RIMS2: variants seen among roughly 807,000 people sequenced by gnomAD.
The protein encoded by RIMS2 is regulating synaptic membrane exocytosis 2, also known as regulating synaptic membrane exocytosis protein 2.
Under a neutral mutation model 174.4 loss-of-function variants are expected in RIMS2, and 59 were observed. The ratio of observed to expected loss-of-function variants is 0.34; its 90% CI spans 0.27 to 0.42. The LOEUF is 0.42. Ranked by LOEUF, RIMS2 falls within the 10% of genes least tolerant of loss-of-function variation. The pLI, the probability that RIMS2 is intolerant of heterozygous loss-of-function variation, is 1.00. For synonymous variants in RIMS2, 606 were observed against 572.5 expected (o/e 1.06, Z -0.84); for missense variants, 1,620 against 1,666.3 (o/e 0.97, Z 0.48).
At chr8:104,023,553 T>G (rs1011117706) in intron 19 of RIMS2, among the ~76,000 whole-genome samples, 2 of 152,158 alleles carry the variant, frequency 1.3e-5, no homozygotes, top group African/African-American at 4.8e-5. Context: ...AGAAAAATAA[T>G]GGAGTTTCTA....
intron 14 of RIMS2, among the ~76,000 whole-genome samples, chr8:103,959,428 A>ATT (rs1230384970): frequency 3.4e-5 from 5 of 147,088 alleles, no homozygotes; most frequent in Admixed American, 1.4e-4. Context: ...TAAAAAAGTA[A>ATT]TTTTTTTTTT....
intron 19 of RIMS2, among the ~76,000 whole-genome samples, chr8:104,028,947 G>A (rs1300101244): frequency 6.6e-6 from 1 of 152,150 alleles, no homozygotes; most frequent in Non-Finnish European, 1.5e-5. Flanking sequence ...GCCTGCTGCT[G>A]GTTGCCTATT....
intron 3 of RIMS2, among the ~76,000 whole-genome samples, chr8:103,834,681 T>TTTCTTTCC (rs1408603395): frequency 1.6e-4 from 7 of 42,928 alleles, no homozygotes; most frequent in African/African-American, 6.7e-4. Flanking sequence ...GGTCTTTTTC[T>TTTCTTTCC]TTCTTTCTTT....
intron 19 of RIMS2, among the ~76,000 whole-genome samples, chr8:104,059,737 A>C (rs1394747408): frequency 6.6e-6 from 1 of 151,512 alleles, no homozygotes; most frequent in East Asian, 1.9e-4. Flanking sequence ...ATTTTGAGAT[A>C]CGTCCCATCA....
chr8:103,811,401 A>G (rs75549866), intron 3 of RIMS2, among the ~76,000 whole-genome samples: 1,662 of 152,210 alleles, frequency 0.011, 43 homozygotes, highest in African/African-American at 0.038. Flanking sequence ...ATTCAACAAG[A>G]AATATATTTC....
chr8:103,637,868 C>T (rs990230497), intron 1 of RIMS2, among the ~76,000 whole-genome samples: 4 of 152,130 alleles, frequency 2.6e-5, no homozygotes, highest in South Asian at 2.1e-4. Flanking sequence ...GACAGTTTCT[C>T]ACTCTTTCCT....
intron 1 of RIMS2, among the ~76,000 whole-genome samples, chr8:103,594,988 TC>T: frequency 6.6e-6 from 1 of 151,860 alleles, no homozygotes; most frequent in Admixed American, 6.6e-5. Context: ...TGCATTTTTT[TC>T]ATTTCTTTTT....
chr8:104,104,425 G>A (rs752170771), intron 19 of RIMS2, among the ~76,000 whole-genome samples: 4 of 152,118 alleles, frequency 2.6e-5, no homozygotes, highest in Non-Finnish European at 4.4e-5. Flanking sequence ...TTTGATGGAT[G>A]GGGTTGTTGG....
chr8:104,223,342 A>G, intron 19 of RIMS2: 1 of 1,109,580 alleles, frequency 9.0e-7, no homozygotes, highest in Non-Finnish European at 1.1e-6. Flanking sequence ...AGACTCCAGC[A>G]GCTCCAGCCT....
intron 16 of RIMS2, among the ~76,000 whole-genome samples, chr8:103,981,778 A>G (rs1376928116): frequency 6.6e-6 from 1 of 152,078 alleles, no homozygotes; most frequent in Non-Finnish European, 1.5e-5. Context: ...TCAGAGCAGA[A>G]TAGATCAAGC....
At chr8:103,790,194 ACTAT>A (rs2098483931) in intron 3 of RIMS2, among the ~76,000 whole-genome samples, 1 of 152,212 alleles carries the variant, frequency 6.6e-6, no homozygotes, top group African/African-American at 2.4e-5. Context: ...AACTATTACG[ACTAT>A]CTAATTCCAG....
At chr8:103,822,655 T>A (rs2098759388) in intron 3 of RIMS2, among the ~76,000 whole-genome samples, 1 of 151,892 alleles carries the variant, frequency 6.6e-6, no homozygotes, top group Admixed American at 6.6e-5. Flanking sequence ...GGATTCTCTG[T>A]TCTTTTACAG....
intron 1 of RIMS2, among the ~76,000 whole-genome samples, chr8:103,522,417 T>C (rs1309449004): frequency 6.6e-6 from 1 of 152,124 alleles, no homozygotes; most frequent in East Asian, 1.9e-4. Flanking sequence ...GAAAAAATTA[T>C]TGGTCATGTT....
intron 19 of RIMS2, among the ~76,000 whole-genome samples, chr8:104,180,224 T>C (rs2098931999): frequency 1.3e-5 from 2 of 151,742 alleles, no homozygotes; most frequent in African/African-American, 4.8e-5. Flanking sequence ...TAAAAGGGCA[T>C]GCCCATTTTT....
At chr8:103,623,651 ATT>A (rs35923184) in intron 1 of RIMS2, among the ~76,000 whole-genome samples, 1 of 142,116 alleles carries the variant, frequency 7.0e-6, no homozygotes, top group African/African-American at 2.6e-5. Context: ...CGCCCGGCTA[ATT>A]TTTTTTTTTG....
At chr8:104,049,464 A>T (rs1381124940) in intron 19 of RIMS2, among the ~76,000 whole-genome samples, 1 of 152,066 alleles carries the variant, frequency 6.6e-6, no homozygotes, top group Non-Finnish European at 1.5e-5. Context: ...ACCCGAAGCC[A>T]TGCTTTTGTT....
intron 2 of RIMS2, among the ~76,000 whole-genome samples, chr8:103,715,426 A>G (rs2097356311): frequency 6.6e-6 from 1 of 152,060 alleles, no homozygotes; most frequent in South Asian, 2.1e-4. Flanking sequence ...GTGGGATTTT[A>G]ATATAGGACT....
At chr8:104,072,577 C>T (rs903877400) in intron 19 of RIMS2, among the ~76,000 whole-genome samples, 4 of 152,116 alleles carry the variant, frequency 2.6e-5, no homozygotes, top group African/African-American at 9.7e-5. Context: ...GAAGCATATG[C>T]TGTCTCCTGA....
intron 15 of RIMS2, among the ~76,000 whole-genome samples, chr8:103,972,889 G>A (rs1295133019): frequency 1.3e-5 from 2 of 152,046 alleles, no homozygotes. Context: ...CTAGCTGTAT[G>A]TGGTTATTTA....
Sources: allele counts gnomAD v4.1 joint callset (sites outside exome capture counted in the v4.1 genomes callset), GRCh38; gene constraint gnomAD v4.1.1; transcripts MANE v1.5; gene names NCBI Gene and HGNC (gene_info 2026-07-23, HGNC 2026-07-21).